PRKG1: variants seen among roughly 807,000 people sequenced by gnomAD.
PRKG1 encodes cGMP-dependent protein kinase 1.
Under a neutral mutation model 88.1 loss-of-function variants are expected in PRKG1, and 35 were observed. That is an observed-to-expected ratio of 0.40 (90% CI 0.30 to 0.53). The LOEUF is 0.53. Ranked by LOEUF, PRKG1 falls within the 20% of genes least tolerant of loss-of-function variation. The pLI is 0.59. For synonymous variants in PRKG1, 303 were observed against 292.5 expected, an observed-to-expected ratio of 1.04 and a Z score of -0.37; for missense variants, 540 against 839.8, an observed-to-expected ratio of 0.64 and a Z score of 4.41.
intron 9 of PRKG1, among the ~76,000 whole-genome samples, chr10:52,188,198 GTGTATATATATA>G (rs1412845040): frequency 2.8e-5 from 4 of 140,386 alleles, no homozygotes; most frequent in Admixed American, 7.2e-5. Flanking sequence ...GTATGTGTGT[GTGTATATATATA>G]TGTGTATATA....
At chr10:52,020,867 T>C (rs1845165887) in intron 5 of PRKG1, among the ~76,000 whole-genome samples, 1 of 152,142 alleles carries the variant, frequency 6.6e-6, no homozygotes, top group South Asian at 2.1e-4. Flanking sequence ...AAGTTCCTTT[T>C]TGCTTCTCCC....
intron 1 of PRKG1, among the ~76,000 whole-genome samples, chr10:51,083,042 G>A (rs2131852634): frequency 6.6e-6 from 1 of 152,276 alleles, no homozygotes. Context: ...CAGACTACTT[G>A]AATTCCTATT....
chr10:52,154,520 T>C (rs560032409), intron 8 of PRKG1, among the ~76,000 whole-genome samples: 2 of 152,300 alleles, frequency 1.3e-5, no homozygotes, highest in South Asian at 2.1e-4. Context: ...GAATCATATA[T>C]AGGAAACTTG....
intron 7 of PRKG1, among the ~76,000 whole-genome samples, chr10:52,125,325 C>T (rs1847907473): frequency 6.6e-6 from 1 of 152,126 alleles, no homozygotes; most frequent in South Asian, 2.1e-4. Flanking sequence ...ATGCATGCTT[C>T]CTGTAACACA....
chr10:51,508,900 T>C (rs536688230), intron 3 of PRKG1, among the ~76,000 whole-genome samples: 1 of 152,316 alleles, frequency 6.6e-6, no homozygotes, highest in Admixed American at 6.5e-5. Flanking sequence ...TACAACGGTA[T>C]TGCTATTAGC....
rs149495377 is a variant in PRKG1, at chr10:52,097,086, C to T, written c.935+34455C>T. Among the ~76,000 whole-genome samples, 713 of 152,072 alleles carry T rather than the reference C, an allele frequency of 4.7e-3. 7 individuals carry two copies. The highest frequency in any genetic ancestry group is 0.016 in the African/African-American group (680 of 41,482). ...TCAAGTTATACAGTTAAAAATCAGACAGATTCAATAAAATTGTTGAGTTAT... is the reference window on the plus strand; with the variant it reads ...TCAAGTTATACAGTTAAAAATCAGATAGATTCAATAAAATTGTTGAGTTAT... On this transcript the variant is annotated intron_variant, in intron 7 of 17. Coordinates refer to ENST00000373980, the MANE Select transcript of PRKG1 (RefSeq NM_006258.4).
At chr10:51,086,315 T>C (rs73338492) in intron 1 of PRKG1, among the ~76,000 whole-genome samples, 5,517 of 152,304 alleles carry the variant, frequency 0.036, 126 homozygotes, top group Middle Eastern at 0.058. Flanking sequence ...TTATTTTCCC[T>C]TCCTTTTGGC....
chr10:51,628,122 C>CTCTTTCTT lies in PRKG1; in HGVS notation c.592+160320_592+160327dup, dbSNP rs11269617. Among the ~76,000 whole-genome samples the CTCTTTCTT allele has an allele frequency of 5.2e-3, 603 of 116,878 alleles. 1 individual carries two copies. The highest frequency in any genetic ancestry group is 0.013 in the Middle Eastern group (3 of 238). 76.7% of individuals were successfully genotyped at this position (116,878 alleles called of 152,430 possible). The stretch of plus-strand genomic sequence containing the variant: ...CCTTTCTTTCTTTCCTTCTTTATTT[C>CTCTTTCTT]TCTTTCTTTCTTTCTTTCTTTCTTT... On this transcript the variant is annotated intron_variant, in intron 3 of 17. Coordinates refer to ENST00000373980, the MANE Select transcript of PRKG1 (RefSeq NM_006258.4).
intron 2 of PRKG1, chr10:51,299,448 C>T (rs1391675864): frequency 9.3e-6 from 4 of 429,158 alleles, no homozygotes; most frequent in East Asian, 1.6e-4. Context: ...TCAGGTGATC[C>T]ACCCACCTCG....
At chr10:51,499,472 C>A (rs1840958947) in intron 3 of PRKG1, among the ~76,000 whole-genome samples, 1 of 152,134 alleles carries the variant, frequency 6.6e-6, no homozygotes, top group Non-Finnish European at 1.5e-5. Flanking sequence ...AGTGGAATTA[C>A]CCCTTAAAAG....
intron 3 of PRKG1, among the ~76,000 whole-genome samples, chr10:51,663,023 A>G (rs1271386695): frequency 6.6e-6 from 1 of 152,100 alleles, no homozygotes; most frequent in Non-Finnish European, 1.5e-5. Context: ...GTTTCGGAGC[A>G]AAGGAGTGGT....
rs113125624 is a variant in PRKG1, at chr10:51,157,168, G to T, written c.478+3838G>T. On this transcript the variant is annotated intron_variant, in intron 2 of 17. Coordinates refer to ENST00000373980, the MANE Select transcript of PRKG1 (RefSeq NM_006258.4). ...CATATGGTAAGACTTTGTTAATTAC[G>T]ATGACTGGGGAAAAGTCATCTGGGT... is the stretch of plus-strand genomic sequence containing the variant. Among the ~76,000 whole-genome samples, 292 of 151,950 alleles carry T rather than the reference G, an allele frequency of 1.9e-3. 1 individual carries two copies. Among genetic ancestry groups the T allele is most frequent in the African/African-American group, 6.5e-3 (268 of 41,504 alleles).
intron 3 of PRKG1, among the ~76,000 whole-genome samples, chr10:51,790,066 G>A (rs1838829538): frequency 6.6e-6 from 1 of 152,050 alleles, no homozygotes; most frequent in African/African-American, 2.4e-5. Flanking sequence ...CAAGTAATCT[G>A]CCTGCCTTGG....
chr10:51,783,000 G>A (rs1271115952), intron 3 of PRKG1, among the ~76,000 whole-genome samples: 1 of 152,022 alleles, frequency 6.6e-6, no homozygotes, highest in African/African-American at 2.4e-5. Context: ...CTGTACAGTA[G>A]TAAGATTGCC....
intron 3 of PRKG1, among the ~76,000 whole-genome samples, chr10:51,738,117 A>T (rs930879630): frequency 1.3e-5 from 2 of 152,024 alleles, no homozygotes; most frequent in African/African-American, 4.8e-5. Context: ...TACACAGCAA[A>T]TTTGGGGGAA....
intron 1 of PRKG1, among the ~76,000 whole-genome samples, chr10:51,107,880 C>T (rs1407924131): frequency 7.4e-6 from 1 of 134,898 alleles, no homozygotes; most frequent in Non-Finnish European, 1.5e-5. Flanking sequence ...AGGGAGAAGA[C>T]ACACAATATC....
At chr10:52,252,080 G>A (rs183123145) in intron 10 of PRKG1, 38 of 156,898 alleles carry the variant, frequency 2.4e-4, no homozygotes, top group African/African-American at 7.0e-4. Context: ...AAGGGAAATC[G>A]AAGAGATATA....
intron 5 of PRKG1, among the ~76,000 whole-genome samples, chr10:52,029,841 G>C (rs1043666987): frequency 2.0e-5 from 3 of 152,022 alleles, no homozygotes; most frequent in Admixed American, 6.6e-5. Flanking sequence ...GCTGCGTGCT[G>C]GACATGTGGA....
intron 9 of PRKG1, among the ~76,000 whole-genome samples, chr10:52,166,823 ATATATG>A (rs879402042): frequency 0.072 from 692 of 9,674 alleles, 54 homozygotes; most frequent in East Asian, 0.52. Context: ...ATATATGTAT[ATATATG>A]TATATATATG....
Sources: gnomAD v4.1 joint callset for allele counts (sites outside exome capture counted in the v4.1 genomes callset) on GRCh38, gnomAD v4.1.1 for gene constraint, MANE v1.5 for transcripts, NCBI Gene and HGNC (gene_info 2026-07-23, HGNC 2026-07-21) for gene names.